Variants in NBPF26 observed in about 807,000 individuals in gnomAD.
The protein encoded by NBPF26 is NBPF family member NBPF26.
Under a neutral mutation model 119.6 loss-of-function variants are expected in NBPF26, and 79 were observed. The observed-to-expected ratio is 0.66, with a 90% CI of 0.55 to 0.80. The LOEUF (loss-of-function observed/expected upper bound fraction) is 0.80, where lower values mean the gene tolerates loss of function less well. Among genes scored for constraint, NBPF26 ranks in the 30% least tolerant of loss-of-function variants. NBPF26 has a pLI of 0.00. For missense variants in NBPF26, 800 were observed against 1,198.2 expected, an observed-to-expected ratio of 0.67 and a Z score of 4.91; for synonymous variants, 299 against 457.7, an observed-to-expected ratio of 0.65 and a Z score of 4.43.
At position 120,808,484 on chromosome 1, in the gene NBPF26, A is replaced by T. The variant is rs1472920062; in HGVS notation, c.1065-61A>T. ...CATTGTCTCAGAAGTCTCTGTTGCAATATTTGAACGGATCACTCAACCCTT... is the reference window on the plus strand; with the variant it reads ...CATTGTCTCAGAAGTCTCTGTTGCATTATTTGAACGGATCACTCAACCCTT... On this transcript the variant is annotated intron_variant, in intron 6 of 29. Transcript: ENST00000620612. 40 of 1,038,356 alleles carry T rather than the reference A, an allele frequency of 3.9e-5. 5 individuals are homozygous for T. The highest frequency in any genetic ancestry group is 5.6e-5 in the Non-Finnish European group (39 of 694,606). 64.3% of individuals were successfully genotyped at this position (1,038,356 alleles called of 1,614,324 possible).
rs1651858882 is a variant in NBPF26, at chr1:120,811,285, A to T, written c.1565-601A>T. Among the ~76,000 whole-genome samples the T allele has an allele frequency of 4.8e-5, 5 of 104,660 alleles. 2 individuals are homozygous for T. The highest frequency in any genetic ancestry group is 9.1e-5 in the Non-Finnish European group (5 of 55,044). 68.7% of individuals were successfully genotyped at this position (104,660 alleles called of 152,430 possible). A position where few individuals can be genotyped will look rare whatever the true frequency, so the allele number is the denominator to read the frequency against. The stretch of plus-strand genomic sequence containing the variant: ...TCTCTGACCAGGGGCGCTGGCTCAC[A>T]TCTTAATCCCAACACTTTGGGAGGC... On this transcript the variant is annotated intron_variant, in intron 9 of 29. Coordinates refer to ENST00000620612, the Ensembl canonical transcript of NBPF26.
rs1294112242 is a variant in NBPF26 at position 120,777,888 on chromosome 1, G to A, written c.156-7086G>A. 1.9e-5 allele frequency among the ~76,000 whole-genome samples: 2 copies of A among 105,310 alleles called. 1 individual carries two copies. The highest frequency in any genetic ancestry group is 3.5e-5 in the Non-Finnish European group (2 of 56,950). 69.1% of individuals were successfully genotyped at this position (105,310 alleles called of 152,430 possible). ...AGACCTCAGCCAGGAGGTACTGAAA[G>A]GAGGGAGACCAGTGAGTTTAGACCA... is the stretch of plus-strand genomic sequence containing the variant. On this transcript the variant is annotated intron_variant, in intron 2 of 29. Transcript: ENST00000620612.
intron 18 of NBPF26, among the ~76,000 whole-genome samples, chr1:120,825,232 T>G (rs1203684086): frequency 4.8e-4 from 59 of 122,786 alleles, no homozygotes; most frequent in African/African-American, 2.6e-3. Context: ...CCGAGGGCAC[T>G]AACTCAGAGT....
chr1:120,793,870 C>T lies in NBPF26; in HGVS notation c.751+374C>T. The T allele has an allele frequency of 3.8e-6, 2 of 520,358 alleles. 1 individual carries two copies. The highest frequency in any genetic ancestry group is 6.6e-6 in the Non-Finnish European group (2 of 304,264). The allele number at this position is 520,358 out of a possible 1,614,324, so 32.2% of individuals were successfully genotyped here. ...TGTGTGGTTAATAAAGTGCTTTAAA[C>T]TGAATTGACATTAACAGTAGGTGAT... On this transcript the variant is annotated intron_variant, in intron 4 of 29. Coordinates refer to ENST00000620612, the Ensembl canonical transcript of NBPF26.
At chr1:120,742,312 CGTGTGTGT>C (rs1209103933) in intron 1 of NBPF26, among the ~76,000 whole-genome samples, 21 of 27,798 alleles carry the variant, frequency 7.6e-4, no homozygotes, top group Non-Finnish European at 7.8e-4. Flanking sequence ...TGTGTGTGTG[CGTGTGTGT>C]GTGTGTGTGT....
chr1:120,727,870 C>T (rs1650832974), intron 1 of NBPF26, among the ~76,000 whole-genome samples: 1 of 117,730 alleles, frequency 8.5e-6, no homozygotes, highest in Non-Finnish European at 1.6e-5. Flanking sequence ...TGTCAGCCTA[C>T]CATATGTGTA....
downstream of NBPF26, chr1:120,840,652 A>G: frequency 2.1e-6 from 3 of 1,445,812 alleles, no homozygotes; most frequent in South Asian, 2.4e-5. Context: ...AGGCACGTGA[A>G]GATTTGAATG....
In NBPF26 at chr1:120,790,543, T is replaced by C. The variant is rs1170101872; in HGVS notation, c.416-2618T>C. On this transcript the variant is annotated intron_variant, in intron 3 of 29. Transcript: ENST00000620612. ...TTCTTTCTTTCTCCCTCCCTTTCTT[T>C]CTTTCTTTCTTTCTTTCTTTCTTTC... Among the ~76,000 whole-genome samples, 4 of 81,912 alleles carry C rather than the reference T, an allele frequency of 4.9e-5. 1 individual carries two copies. Among genetic ancestry groups the C allele is most frequent in the African/African-American group, 8.7e-5 (1 of 11,478 alleles). 53.7% of individuals were successfully genotyped at this position (81,912 alleles called of 152,430 possible).
At chr1:120,793,420 T>G in exon 4 of NBPF26, 2 of 1,442,708 alleles carry the variant, frequency 1.4e-6, no homozygotes, top group South Asian at 1.2e-5. Context: ...ATGTGCCCTG[T>G]GCACACTCGC....
intron 6 of NBPF26, 68 bp from the exon 7 acceptor site, chr1:120,808,477 T>A: frequency 9.5e-7 from 1 of 1,055,496 alleles, no homozygotes; most frequent in Middle Eastern, 2.9e-4. Flanking sequence ...CAGAAGTCTC[T>A]GTTGCAATAT....
rs1316053488 is a variant in NBPF26, at chr1:120,818,748, G to A, written c.2423+574G>A. Among the ~76,000 whole-genome samples the A allele has an allele frequency of 2.5e-5, 3 of 120,818 alleles. 1 individual carries two copies. Among genetic ancestry groups the A allele is most frequent in the Non-Finnish European group, 5.0e-5 (3 of 59,968 alleles). The allele number at this position is 120,818 out of a possible 152,430, so 79.3% of individuals were successfully genotyped here. A position where few individuals can be genotyped will look rare whatever the true frequency, so the allele number is the denominator to read the frequency against. On this transcript the variant is annotated intron_variant, in intron 15 of 29. Transcript: ENST00000620612. ...CCTTCATTTTGTTATTTTCCCAGTA[G>A]TCATTCAGGAGCAGGTTGTTCAGTT...
chr1:120,811,932 A>T, exon 10 of NBPF26: 1 of 1,147,980 alleles, frequency 8.7e-7, no homozygotes, highest in South Asian at 1.3e-5. Flanking sequence ...TGGTGGTATC[A>T]GCCGGCCCTT....
intron 1 of NBPF26, among the ~76,000 whole-genome samples, chr1:120,737,681 T>A (rs1650920387): frequency 8.5e-6 from 1 of 118,120 alleles, no homozygotes; most frequent in East Asian, 2.0e-4. Context: ...TGCCTGTCCC[T>A]TTGGACTTCT....
chr1:120,724,959 GC>G (rs1650801985), intron 1 of NBPF26, among the ~76,000 whole-genome samples: 1 of 63,856 alleles, frequency 1.6e-5, no homozygotes, highest in East Asian at 3.2e-4. Context: ...GCGGAGCTCT[GC>G]TGCTGTTTCA....
At chr1:120,811,969 A>G in exon 10 of NBPF26, 1 of 1,234,736 alleles carries the variant, frequency 8.1e-7, no homozygotes, top group East Asian at 2.4e-5. Context: ...AGCGATAAAC[A>G]TTCTAGAAAT....
rs1360870890 is a variant in NBPF26 at position 120,727,392 on chromosome 1, G to A, written c.73+3142G>A. Among the ~76,000 whole-genome samples the A allele has an allele frequency of 7.8e-5, 9 of 115,908 alleles. 2 individuals are homozygous for A. The highest frequency in any genetic ancestry group is 9.9e-5 in the Non-Finnish European group (6 of 60,744). 76.0% of individuals were successfully genotyped at this position (115,908 alleles called of 152,430 possible). ...AGTCATTCCAGTGTTTAACGCTTCT[G>A]ACTCAAGAATTTTAAAATTGCTAAC... On this transcript the variant is annotated intron_variant, in intron 1 of 29. Transcript: ENST00000620612.
intron 1 of NBPF26, among the ~76,000 whole-genome samples, chr1:120,724,776 G>C (rs1650800019): frequency 9.0e-6 from 1 of 111,430 alleles, no homozygotes; most frequent in East Asian, 2.2e-4. Flanking sequence ...ATGGGGACGG[G>C]GTTTTGCGGC....
chr1:120,809,318 G>A (rs1156296620), intron 7 of NBPF26, among the ~76,000 whole-genome samples: 7 of 150,752 alleles, frequency 4.6e-5, no homozygotes, highest in Admixed American at 2.0e-4. Context: ...GGTAGGAAGT[G>A]CTTCAGACTG....
intron 29 of NBPF26, 60 bp from the exon 36 acceptor site, chr1:120,840,290 T>G: frequency 6.9e-7 from 1 of 1,444,956 alleles, no homozygotes; most frequent in Non-Finnish European, 9.2e-7. Flanking sequence ...TGAAATCTAG[T>G]GGGGCTCTGT....
Sources: gnomAD v4.1 joint callset for allele counts (sites outside exome capture counted in the v4.1 genomes callset) on GRCh38, gnomAD v4.1.1 for gene constraint, MANE v1.5 for transcripts, NCBI Gene and HGNC (gene_info 2026-07-23, HGNC 2026-07-21) for gene names.